The following SLC12A1 variants were observed in gnomAD, a reference collection of about 807,000 sequenced individuals.
The protein encoded by SLC12A1 is Na-K-2Cl cotransporter.
Under a neutral mutation model 130.4 loss-of-function variants are expected in SLC12A1, and 89 were observed. That is an observed-to-expected ratio of 0.68 (90% CI 0.58 to 0.81). The LOEUF (loss-of-function observed/expected upper bound fraction) is 0.81. Ranked by LOEUF, SLC12A1 falls within the 40% of genes least tolerant of loss-of-function variation. The pLI is 0.00. For missense variants in SLC12A1, 1,310 were observed against 1,336.4 expected, an observed-to-expected ratio of 0.98 and a Z score of 0.31; for synonymous variants, 499 against 460.0, an observed-to-expected ratio of 1.08 and a Z score of -1.09.
chr15:48,257,092 G>A (rs959938307), intron 16 of SLC12A1, among the ~76,000 whole-genome samples: 1 of 152,198 alleles, frequency 6.6e-6, no homozygotes, highest in African/African-American at 2.4e-5. Flanking sequence ...CATGCCCCAT[G>A]CAAGTCCGAA....
intron 9 of SLC12A1, among the ~76,000 whole-genome samples, chr15:48,241,105 T>A (rs1431131798): frequency 6.6e-5 from 10 of 151,886 alleles, no homozygotes; most frequent in Non-Finnish European, 1.5e-4. Context: ...AAGCTCAGTA[T>A]AAAAAAAATA....
At chr15:48,302,093 C>T (rs1262253433) in intron 26 of SLC12A1, among the ~76,000 whole-genome samples, 1 of 152,050 alleles carries the variant, frequency 6.6e-6, no homozygotes, top group Admixed American at 6.6e-5. Flanking sequence ...TGAGGTTTTT[C>T]CCAAATATAA....
intron 5 of SLC12A1, chr15:48,228,338 T>A (rs2041319394): frequency 1.3e-5 from 2 of 153,128 alleles, no homozygotes; most frequent in Non-Finnish European, 2.9e-5. Flanking sequence ...CCCTCCCCAC[T>A]TTTCTTCCCA....
At chr15:48,221,226 A>G in intron 4 of SLC12A1, 1 of 670,766 alleles carries the variant, frequency 1.5e-6, no homozygotes, top group Non-Finnish European at 2.7e-6. Context: ...GCTCAAGGAG[A>G]TCTCTCTCTT....
At position 48,274,561 on chromosome 15, in the gene SLC12A1, C is replaced by T. The variant is rs1330126834; in HGVS notation, c.2403-10C>T. On this transcript the variant is annotated splice_polypyrimidine_tract_variant and intron_variant, in intron 19 of 26. Coordinates refer to ENST00000380993, the MANE Select transcript of SLC12A1 (RefSeq NM_000338.3). Reference sequence around the variant, plus strand: ...ATTTAAAACGCTGACTGCTTTGCTTCCTCTTTCAGTGATGCATTTGATTTT... The same window carrying T: ...ATTTAAAACGCTGACTGCTTTGCTTTCTCTTTCAGTGATGCATTTGATTTT... The T allele has an allele frequency of 1.2e-6, 2 of 1,603,444 alleles. No individual in the cohort carries two copies. Among genetic ancestry groups the T allele is most frequent in the Middle Eastern group, 1.7e-4 (1 of 6,044 alleles).
Position 48,249,599 on chromosome 15 carries a change from T to C in SLC12A1, c.1709T>C (p.Ile570Thr). Residue 570 changes from isoleucine to threonine, a missense_variant, in exon 14 of 27, where the codon ATC becomes ACC. Coordinates refer to ENST00000380993, the MANE Select transcript of SLC12A1 (RefSeq NM_000338.3). ...LIAELNTIAP[I>T]ISNFFLASYA... ...GCGGAACTGAACACCATTGCTCCCATCATCTCCAACTTTTTCCTGGCCTCA... is the reference window on the plus strand; with the variant it reads ...GCGGAACTGAACACCATTGCTCCCACCATCTCCAACTTTTTCCTGGCCTCA... 1 of 1,613,912 alleles carries C rather than the reference T, an allele frequency of 6.2e-7. No individual in the cohort carries two copies. The highest frequency in any genetic ancestry group is 1.3e-5 in the African/African-American group (1 of 75,052).
intron 15 of SLC12A1, among the ~76,000 whole-genome samples, chr15:48,254,015 G>C (rs1004691057): frequency 1.4e-4 from 22 of 152,112 alleles, no homozygotes; most frequent in African/African-American, 5.3e-4. Context: ...TCAGTAATGA[G>C]AGTTCTTTAT....
rs2042257936 is a variant in SLC12A1 at position 48,303,613 on chromosome 15, A to G, written c.*728A>G. 1 of 152,224 alleles carries G rather than the reference A, an allele frequency of 6.6e-6. No homozygotes were observed. Among genetic ancestry groups the G allele is most frequent in the Non-Finnish European group, 1.5e-5 (1 of 68,040 alleles). The allele number at this position is 152,224 out of a possible 1,614,324, so 9.4% of individuals were successfully genotyped here. On this transcript the variant is annotated 3_prime_UTR_variant, in exon 27 of 27. Coordinates refer to ENST00000380993, the MANE Select transcript of SLC12A1 (RefSeq NM_000338.3). Reference sequence around the variant, plus strand: ...GACACCATATACTCCAATAAAATGAAATATATTCTATTCTCAATATATAAA... The same window carrying G: ...GACACCATATACTCCAATAAAATGAGATATATTCTATTCTCAATATATAAA...
chr15:48,222,887 G>A (rs1466036112), intron 4 of SLC12A1: 1 of 152,226 alleles, frequency 6.6e-6, no homozygotes, highest in Non-Finnish European at 1.5e-5. Flanking sequence ...AGTAGCTACA[G>A]CCCTTGGGTA....
chr15:48,213,145 C>T (rs73402693), intron 2 of SLC12A1, among the ~76,000 whole-genome samples: 1,807 of 152,294 alleles, frequency 0.012, 40 homozygotes, highest in African/African-American at 0.042. Context: ...GTCACATGCT[C>T]ATAAGTTGAA....
chr15:48,254,780 C>T (rs1054452441), intron 15 of SLC12A1, among the ~76,000 whole-genome samples: 2 of 151,700 alleles, frequency 1.3e-5, no homozygotes, highest in Non-Finnish European at 2.9e-5. Context: ...AAAAATTAGC[C>T]GGGCGTGGTG....
At chr15:48,240,319 A>G (rs1244758324) in intron 9 of SLC12A1, among the ~76,000 whole-genome samples, 2 of 151,774 alleles carry the variant, frequency 1.3e-5, no homozygotes, top group Non-Finnish European at 2.9e-5. Context: ...GCCCCATTGC[A>G]TACACCTGCC....
chr15:48,299,008 G>T, intron 24 of SLC12A1, 132 bp from the exon 25 acceptor site: 1 of 802,892 alleles, frequency 1.2e-6, no homozygotes, highest in Non-Finnish European at 2.0e-6. Context: ...TCCCTGCAAA[G>T]ATAATTCTTA....
rs777204984 is a variant in SLC12A1, at chr15:48,267,707, G to A, written c.2295+6G>A. The A allele has an allele frequency of 3.1e-6, 5 of 1,612,882 alleles. No homozygotes were observed. Among genetic ancestry groups the A allele is most frequent in the African/African-American group, 1.3e-5 (1 of 74,866 alleles). On this transcript the variant is annotated splice_donor_region_variant and intron_variant, in intron 18 of 26. Coordinates refer to ENST00000380993, the MANE Select transcript of SLC12A1 (RefSeq NM_000338.3). Reference sequence around the variant, plus strand: ...GTGTCCGAAGTCTTCTTCAGGTAAGGCTGCATTGAGGGAATGAGCACAGAG... The same window carrying A: ...GTGTCCGAAGTCTTCTTCAGGTAAGACTGCATTGAGGGAATGAGCACAGAG...
rs564521503 is a variant in SLC12A1, at chr15:48,221,546, G to T, written c.628+550G>T. The T allele has an allele frequency of 6.2e-5, 36 of 577,014 alleles. 1 individual carries two copies. In the South Asian group the frequency reaches 7.7e-4, roughly 12 times the overall value. The allele number at this position is 577,014 out of a possible 1,614,324, so 35.7% of individuals were successfully genotyped here. On this transcript the variant is annotated intron_variant, in intron 4 of 26. Transcript: ENST00000380993. The stretch of plus-strand genomic sequence containing the variant: ...ACAAGCTTTAAGTGAAAGATGAAAT[G>T]ACTAAGATAATATGTGCATTACTGT...
chr15:48,288,086 C>T lies in SLC12A1; in HGVS notation c.2673C>T (p.Phe891=). The T allele has an allele frequency of 1.2e-6, 2 of 1,610,696 alleles. No individual in the cohort carries two copies. Among genetic ancestry groups the T allele is most frequent in the East Asian group, 4.5e-5 (2 of 44,832 alleles). ...GCCAGTCGATGCATGTGGGAGAGTT[C>T]AACCAGAAACTGGTGGAAGCCAGCA... is the stretch of plus-strand genomic sequence containing the variant. The part of the protein sequence containing the change: ...NTSQSMHVGE[F]NQKLVEASTQ... The change falls in exon 22 of 27, where the codon TTC becomes TTT. Residue 891 remains phenylalanine (F), a synonymous_variant. Transcript: ENST00000380993.
chr15:48,240,456 G>A (rs146084095), intron 9 of SLC12A1, among the ~76,000 whole-genome samples: 15 of 152,274 alleles, frequency 9.9e-5, no homozygotes, highest in African/African-American at 3.6e-4. Context: ...CCATAGGGCT[G>A]GCTTACTGCC....
intron 19 of SLC12A1, among the ~76,000 whole-genome samples, chr15:48,270,761 TATATATATATATATATATATATATAC>T: frequency 1.0e-5 from 1 of 98,178 alleles, no homozygotes; most frequent in African/African-American, 3.9e-5. Flanking sequence ...TATATATATA[TATATATATATATATATATATATATAC>T]ACACACACAC....
intron 9 of SLC12A1, among the ~76,000 whole-genome samples, chr15:48,236,728 A>G (rs1488000801): frequency 2.0e-5 from 3 of 152,222 alleles, no homozygotes; most frequent in Non-Finnish European, 2.9e-5. Flanking sequence ...GCTGAAGTGC[A>G]GAAAAGTTAA....
Sources: allele counts gnomAD v4.1 joint callset (sites outside exome capture counted in the v4.1 genomes callset), GRCh38; gene constraint gnomAD v4.1.1; transcripts MANE v1.5; gene names NCBI Gene and HGNC (gene_info 2026-07-23, HGNC 2026-07-21).